Variants in MCF2L observed in about 807,000 individuals in gnomAD.
MCF2L encodes the protein MCF.2 cell line derived transforming sequence like, also known as guanine nucleotide exchange factor DBS.
Under a neutral mutation model 153.4 loss-of-function variants are expected in MCF2L, and 97 were observed. That is an observed-to-expected ratio of 0.63 (90% CI 0.54 to 0.75). The LOEUF (loss-of-function observed/expected upper bound fraction) is 0.75, where lower values mean the gene tolerates loss of function less well. Ranked by LOEUF, MCF2L falls within the 30% of genes least tolerant of loss-of-function variation. The probability of loss-of-function intolerance (pLI) is 0.00; values close to 1 mark genes in which losing one functional copy is unlikely to be tolerated. For synonymous variants in MCF2L, 659 were observed against 632.2 expected (o/e 1.04, Z -0.64); for missense variants, 1,347 against 1,495.2 (o/e 0.90, Z 1.64).
intron 4 of MCF2L, chr13:113,052,761 G>T (rs2141633617): frequency 6.6e-6 from 1 of 152,122 alleles, no homozygotes; most frequent in East Asian, 1.9e-4. Context: ...ATTCGTGTGT[G>T]TGTGTGTGCG....
At chr13:113,034,046 C>A (rs2085976321) in intron 3 of MCF2L, 1 of 166,808 alleles carries the variant, frequency 6.0e-6, no homozygotes, top group African/African-American at 2.4e-5. Context: ...CTGTTGAATT[C>A]AACAGCTACT....
intron 1 of MCF2L, among the ~76,000 whole-genome samples, chr13:113,012,845 G>GCCCCCAC (rs2084255373): frequency 1.3e-5 from 1 of 77,972 alleles, no homozygotes; most frequent in African/African-American, 4.9e-5. Flanking sequence ...TGCGGACGGT[G>GCCCCCAC]GACAGGCGGT....
intron 2 of MCF2L, among the ~76,000 whole-genome samples, chr13:112,925,035 G>T (rs988657822): frequency 1.3e-5 from 2 of 152,210 alleles, no homozygotes; most frequent in Non-Finnish European, 2.9e-5. Flanking sequence ...CATGGAAAAA[G>T]ATGAAAGTCA....
rs1449963031 is a variant in MCF2L at position 112,951,898 on chromosome 13, A to G, written c.169+49527A>G. Among the ~76,000 whole-genome samples the G allele has an allele frequency of 6.6e-6, 1 of 152,194 alleles. No homozygotes were observed. Among genetic ancestry groups the G allele is most frequent in the East Asian group, 1.9e-4 (1 of 5,196 alleles). ...AAGCAAGAAAAATCAGTTCACACCT[A>G]TTCACTCTCTGTCAACAAACCCACA... On this transcript the variant is annotated intron_variant, in intron 2 of 29. Transcript: ENST00000375608. The surrounding 1 kb of genome is among the most constrained non-coding windows in gnomAD (Gnocchi z 4.8).
chr13:112,978,430 T>C (rs1324429476), intron 1 of MCF2L, among the ~76,000 whole-genome samples: 1 of 152,204 alleles, frequency 6.6e-6, no homozygotes, highest in Non-Finnish European at 1.5e-5. Context: ...AAGCTGGCTC[T>C]CAACACCTGT....
intron 1 of MCF2L, among the ~76,000 whole-genome samples, chr13:112,996,587 T>C (rs1016621430): frequency 1.3e-5 from 2 of 152,200 alleles, no homozygotes; most frequent in Non-Finnish European, 2.9e-5. Flanking sequence ...TCAGAGGCCC[T>C]GCGTCTCCAT....
In MCF2L at chr13:112,979,674, G is replaced by A. The variant is rs377324430; in HGVS notation, c.79+10216G>A. Reference sequence around the variant, plus strand: ...TTTGTGACAGGGCGGTTCGATGGCCGAGAAGGGAGCATCCCGGGGAACCCT... The same window carrying A: ...TTTGTGACAGGGCGGTTCGATGGCCAAGAAGGGAGCATCCCGGGGAACCCT... On this transcript the variant is annotated intron_variant, in intron 1 of 29. Coordinates refer to ENST00000535094, the MANE Select transcript of MCF2L (RefSeq NM_001112732.3). 193 of 1,612,924 alleles carry A rather than the reference G, an allele frequency of 1.2e-4. 1 individual carries two copies. The African/African-American group carries it at 2.3e-3, about 20-fold the overall frequency.
At chr13:113,000,455 C>T (rs2083316560) in intron 1 of MCF2L, among the ~76,000 whole-genome samples, 1 of 152,176 alleles carries the variant, frequency 6.6e-6, no homozygotes. Flanking sequence ...TCTTAGGCAT[C>T]CCTCCCCTAA....
chr13:113,035,908 G>T lies in MCF2L; in HGVS notation c.279-9363G>T, dbSNP rs558118214. Among the ~76,000 whole-genome samples the T allele has an allele frequency of 1.3e-5, 2 of 152,256 alleles. No individual in the cohort carries two copies. Among genetic ancestry groups the T allele is most frequent in the East Asian group, 3.9e-4 (2 of 5,184 alleles). ...GTGAGTCTGTGTGACAGGCGATGGGGCCTTCCTCTCTGGTACAGCAGGGGC... is the reference window on the plus strand; with the variant it reads ...GTGAGTCTGTGTGACAGGCGATGGGTCCTTCCTCTCTGGTACAGCAGGGGC... On this transcript the variant is annotated intron_variant, in intron 3 of 29. Transcript: ENST00000535094. The surrounding 1 kb of genome is among the most constrained non-coding windows in gnomAD (Gnocchi z 4.4).
At chr13:113,014,958 G>A (rs1378605169) in intron 2 of MCF2L, 112 bp downstream of exon 2, 7 of 898,280 alleles carry the variant, frequency 7.8e-6, no homozygotes, top group African/African-American at 1.6e-5. Context: ...TCATGCGAGG[G>A]GCTGTGTATT....
intron 2 of MCF2L, among the ~76,000 whole-genome samples, chr13:112,918,914 C>T (rs1267023964): frequency 1.3e-5 from 2 of 152,136 alleles, no homozygotes; most frequent in East Asian, 1.9e-4. Context: ...CCCCATCCTC[C>T]GTGTCCCCAC....
At chr13:112,935,437 A>G (rs1277740031) in intron 2 of MCF2L, among the ~76,000 whole-genome samples, 1 of 152,090 alleles carries the variant, frequency 6.6e-6, no homozygotes, top group Non-Finnish European at 1.5e-5. Context: ...TTGTATTTTT[A>G]GTAGAGATGG....
At chr13:113,026,953 CG>C in intron 3 of MCF2L, 2 of 777,652 alleles carry the variant, frequency 2.6e-6, no homozygotes, top group Non-Finnish European at 4.8e-6. Context: ...CTGATGTGCT[CG>C]TCCCAGCCTC....
intron 2 of MCF2L, among the ~76,000 whole-genome samples, chr13:112,906,503 C>T (rs930835688): frequency 6.6e-5 from 10 of 152,234 alleles, no homozygotes; most frequent in African/African-American, 2.4e-4. Flanking sequence ...CACGCACACA[C>T]GGTGCAGTTC....
At chr13:112,910,616 C>T (rs1461566586) in intron 2 of MCF2L, 1 of 152,236 alleles carries the variant, frequency 6.6e-6, no homozygotes, top group Non-Finnish European at 1.5e-5. Context: ...TGTTTTTAAT[C>T]ATACATGTGC....
At chr13:113,034,312 T>C (rs1042658018) in intron 3 of MCF2L, among the ~76,000 whole-genome samples, 1 of 152,034 alleles carries the variant, frequency 6.6e-6, no homozygotes, top group South Asian at 2.1e-4. Flanking sequence ...AATTTTTGTA[T>C]TTTTTGTAGA....
chr13:113,091,195 G>C, intron 26 of MCF2L: 1 of 1,302,252 alleles, frequency 7.7e-7, no homozygotes, highest in South Asian at 1.2e-5. Context: ...TGGTGTGCGA[G>C]GTAGAGTGGC....
At chr13:113,011,322 G>T (rs2084081830) in intron 1 of MCF2L, among the ~76,000 whole-genome samples, 1 of 152,264 alleles carries the variant, frequency 6.6e-6, no homozygotes, top group South Asian at 2.1e-4. Flanking sequence ...TGAGGCATTT[G>T]ATCTGAGGGA....
intron 1 of MCF2L, among the ~76,000 whole-genome samples, chr13:112,972,847 GGA>G (rs1309493885): frequency 3.3e-4 from 48 of 146,864 alleles, no homozygotes; most frequent in Non-Finnish European, 6.8e-4. Context: ...ATGGATGAAT[GGA>G]TGGATGGATG....
Sources: gnomAD v4.1 joint callset for allele counts (sites outside exome capture counted in the v4.1 genomes callset) on GRCh38, gnomAD v4.1.1 for gene constraint, Gnocchi (gnomAD v3.1) non-coding constraint, MANE v1.5 for transcripts, NCBI Gene and HGNC (gene_info 2026-07-23, HGNC 2026-07-21) for gene names.